Variants in SP140 observed in about 807,000 individuals in gnomAD.
SP140 encodes the protein SP140 nuclear body protein.
Under a neutral mutation model 125.0 loss-of-function variants are expected in SP140, and 81 were observed. The ratio of observed to expected loss-of-function variants is 0.65; its 90% CI spans 0.54 to 0.78. The LOEUF (loss-of-function observed/expected upper bound fraction) is 0.78, where lower values mean the gene tolerates loss of function less well. Ranked by LOEUF, SP140 falls within the 30% of genes least tolerant of loss-of-function variation. The probability of loss-of-function intolerance (pLI) is 0.00; values close to 1 mark genes in which losing one functional copy is unlikely to be tolerated. For missense variants in SP140, 858 were observed against 1,037.0 expected, an observed-to-expected ratio of 0.83 and a Z score of 2.37; for synonymous variants, 312 against 354.0, an observed-to-expected ratio of 0.88 and a Z score of 1.33.
intron 3 of SP140, among the ~76,000 whole-genome samples, chr2:230,217,938 G>T (rs979882243): frequency 2.6e-5 from 4 of 152,136 alleles, no homozygotes; most frequent in Admixed American, 2.6e-4. Flanking sequence ...AAAGCATGAG[G>T]GCTGAGAAAG....
In SP140 at chr2:230,208,085, A is replaced by T. The variant is rs749628644; in HGVS notation, c.-323+4806A>T. On this transcript the variant is annotated intron_variant, in intron 1 of 4. Coordinates refer to the SP140 transcript ENST00000456542. ...CTAAAAAGAAAGGATAATGTTTTATAGTTACAAACATTGATCTCCCAATCT... is the reference window on the plus strand; with the variant it reads ...CTAAAAAGAAAGGATAATGTTTTATTGTTACAAACATTGATCTCCCAATCT... 11 of 1,275,438 alleles carry T rather than the reference A, an allele frequency of 8.6e-6. No homozygotes were observed. In the Admixed American group the frequency reaches 1.7e-4, roughly 20 times the overall value. 79.0% of individuals were successfully genotyped at this position (1,275,438 alleles called of 1,614,324 possible).
At chr2:230,270,934 T>C in intron 15 of SP140, 1 of 435,620 alleles carries the variant, frequency 2.3e-6, no homozygotes, top group East Asian at 5.9e-5. Context: ...TGGAAAACTT[T>C]TCCTGGCTGT....
rs946735063 is a variant in SP140, at chr2:230,253,329, T to C, written c.1071T>C (p.Ser357=). The change falls in exon 11 of 27, where the codon TCT becomes TCC. Residue 357 remains serine, a synonymous_variant. Coordinates refer to ENST00000392045, the MANE Select transcript of SP140 (RefSeq NM_007237.5). ...LARCGSVSCL[S]AETFDLKTPQ... is the part of the protein sequence containing the mutation. ...GTGGTCTGTCAGTTTCTTGTTTATC[T>C]GCAGAGACCTTTGATCTAAAGACTC... The C allele has an allele frequency of 1.2e-6, 2 of 1,611,150 alleles. No homozygotes were observed. The highest frequency in any genetic ancestry group is 1.7e-6 in the Non-Finnish European group (2 of 1,177,410).
At position 230,248,067 on chromosome 2, in the gene SP140, T is replaced by C. The variant is rs201894428; in HGVS notation, c.892+2T>C. Reference sequence around the variant, plus strand: ...AGAGTCCAGAGGGAAGAGACAAAGGTAGGAACAGAAGAAGCAGAGACATGT... The same window carrying C: ...AGAGTCCAGAGGGAAGAGACAAAGGCAGGAACAGAAGAAGCAGAGACATGT... On this transcript the variant is annotated splice_donor_variant, in intron 8 of 26. Coordinates refer to ENST00000392045, the MANE Select transcript of SP140 (RefSeq NM_007237.5). LOFTEE classifies it high-confidence loss of function. 563 of 1,612,510 alleles carry C rather than the reference T, an allele frequency of 3.5e-4. No individual in the cohort carries two copies. In the African/African-American group the frequency reaches 6.8e-3, roughly 19 times the overall value.
At chr2:230,286,471 T>C (rs905968764) in intron 17 of SP140, among the ~76,000 whole-genome samples, 5 of 152,070 alleles carry the variant, frequency 3.3e-5, no homozygotes. Flanking sequence ...GAGAGATGGG[T>C]GAGATCAGAG....
intron 3 of SP140, among the ~76,000 whole-genome samples, chr2:230,218,594 G>C (rs1004689247): frequency 6.6e-6 from 1 of 152,126 alleles, no homozygotes; most frequent in Non-Finnish European, 1.5e-5. Context: ...ATACAGCAGC[G>C]CTCAGAACAG....
chr2:230,307,994 CACACACACACACACACACACACAGAG>C (rs2058970048), intron 22 of SP140, among the ~76,000 whole-genome samples: 1 of 66,680 alleles, frequency 1.5e-5, no homozygotes, highest in African/African-American at 5.2e-5. Context: ...TATATATACA[CACACACACACACACACACACACAGAG>C]ACACACACAC....
At chr2:230,281,751 A>C (rs1249267359) in intron 15 of SP140, among the ~76,000 whole-genome samples, 1 of 152,084 alleles carries the variant, frequency 6.6e-6, no homozygotes, top group East Asian at 1.9e-4. Context: ...GTTCTTTTTC[A>C]TTGCTAAGTA....
At chr2:230,300,596 AAGGGGG>A (rs1198074978) in intron 22 of SP140, among the ~76,000 whole-genome samples, 1 of 152,158 alleles carries the variant, frequency 6.6e-6, no homozygotes, top group Non-Finnish European at 1.5e-5. Context: ...TCCCTAGGGG[AAGGGGG>A]AGAACACCAC....
intron 7 of SP140, 104 bp downstream of exon 7, chr2:230,246,044 T>C (rs1559245407): frequency 1.5e-6 from 1 of 688,450 alleles, no homozygotes; most frequent in Non-Finnish European, 2.6e-6. Flanking sequence ...TATTCATCCA[T>C]ATATCCATCC....
In SP140 at chr2:230,255,543, G is replaced by C. The variant is rs201594901; in HGVS notation, c.1240+11G>C. ...CAAGACGTGGGTCAGGTAAGGACGG[G>C]GGGGGGGATTTCTGGCCCTGGGCTG... On this transcript the variant is annotated intron_variant, in intron 12 of 26. Transcript: ENST00000392045. The C allele has an allele frequency of 2.3e-3, 3,650 of 1,605,370 alleles. 118 individuals carry two copies. The East Asian group carries it at 0.06, about 26-fold the overall frequency.
intron 9 of SP140, among the ~76,000 whole-genome samples, chr2:230,250,481 T>G (rs13395371): frequency 0.29 from 44,764 of 152,034 alleles, 6,729 homozygotes; most frequent in Middle Eastern, 0.35. Flanking sequence ...GGCCCACTCT[T>G]CTCCTGATCC....
chr2:230,275,677 A>T (rs1347660533), intron 15 of SP140, among the ~76,000 whole-genome samples: 1 of 152,218 alleles, frequency 6.6e-6, no homozygotes, highest in Non-Finnish European at 1.5e-5. Context: ...GAAGCGTCAC[A>T]TGTGTCTCAC....
intron 3 of SP140, among the ~76,000 whole-genome samples, chr2:230,239,932 T>C (rs571428929): frequency 6.6e-6 from 1 of 152,296 alleles, no homozygotes; most frequent in African/African-American, 2.4e-5. Flanking sequence ...GGGGCTCTGA[T>C]TCTGTCTGTG....
At chr2:230,214,069 T>A (rs1265114637) in exon 3 of SP140, 1 of 152,204 alleles carries the variant, frequency 6.6e-6, no homozygotes. Flanking sequence ...TGCTTGTTGT[T>A]CTGAGGTAAG....
chr2:230,288,518 T>TTTC (rs1553600263), intron 18 of SP140, among the ~76,000 whole-genome samples: 13,200 of 111,176 alleles, frequency 0.12, 958 homozygotes, highest in South Asian at 0.18. Context: ...TCTTTCTTTC[T>TTTC]TTCTTTTTTT....
At position 230,253,363 on chromosome 2, in the gene SP140, A is replaced by G; in HGVS notation, c.1105A>G (p.Thr369Ala). 3 of 1,612,624 alleles carry G rather than the reference A, an allele frequency of 1.9e-6. No individual in the cohort carries two copies. Among genetic ancestry groups the G allele is most frequent in the Non-Finnish European group, 2.5e-6 (3 of 1,178,678 alleles). The change falls in exon 11 of 27, where the codon ACT becomes GCT. Residue 369 changes from threonine (T) to alanine (A), a missense_variant. This residue lies in a region of SP140 where 791 missense variants were observed against 869.5 expected (regional missense o/e 0.91). Transcript: ENST00000392045. ...ETFDLKTPQVTNEGEPEKELS... is the reference protein window; with the variant it reads ...ETFDLKTPQVANEGEPEKELS... ...CTTTGATCTAAAGACTCCCCAAGTC[A>G]CTAATGAAGGAGAACCAGAGAAGGA...
chr2:230,256,163 C>G (rs2051154881), intron 12 of SP140, among the ~76,000 whole-genome samples: 1 of 152,000 alleles, frequency 6.6e-6, no homozygotes, highest in Non-Finnish European at 1.5e-5. Context: ...CTCAGCCATC[C>G]CATTACTGGG....
rs558244838 is a variant in SP140 at position 230,296,600 on chromosome 2, G to T, written c.2017-821G>T. Among the ~76,000 whole-genome samples, 5 of 152,328 alleles carry T rather than the reference G, an allele frequency of 3.3e-5. No homozygotes were observed. The South Asian group carries it at 1.0e-3, about 32-fold the overall frequency. On this transcript the variant is annotated intron_variant, in intron 21 of 26. Transcript: ENST00000392045. The stretch of plus-strand genomic sequence containing the variant: ...AGCTGCAGCACAGAGGACCTTGGAG[G>T]CATTTTATCACCAGGGCTGTGTCCC...
Sources: gnomAD v4.1 joint callset for allele counts (sites outside exome capture counted in the v4.1 genomes callset) on GRCh38, gnomAD v4.1.1 for gene constraint, gnomAD v4.1.1 regional missense constraint, MANE v1.5 for transcripts, NCBI Gene and HGNC (gene_info 2026-07-23, HGNC 2026-07-21) for gene names.